ASIC2: variants seen among roughly 807,000 people sequenced by gnomAD.
ASIC2 encodes acid sensing ion channel subunit 2.
ASIC2 carries 25 observed loss-of-function variants against 57.3 expected under a neutral mutation model. That is an observed-to-expected ratio of 0.44 (90% CI 0.32 to 0.61). ASIC2 has a LOEUF of 0.61. Ranked by LOEUF, ASIC2 falls within the 20% of genes least tolerant of loss-of-function variation. The pLI, the probability that ASIC2 is intolerant of heterozygous loss-of-function variation, is 0.06. For missense variants in ASIC2, 641 were observed against 738.1 expected (o/e 0.87, Z 1.52); for synonymous variants, 319 against 307.5 (o/e 1.04, Z -0.39).
chr17:33,606,029 A>G (rs1009058512), intron 1 of ASIC2, among the ~76,000 whole-genome samples: 2 of 152,112 alleles, frequency 1.3e-5, no homozygotes, highest in Non-Finnish European at 2.9e-5. Context: ...GCTTTAATCC[A>G]TATTTTTATT....
intron 1 of ASIC2, among the ~76,000 whole-genome samples, chr17:33,422,653 A>G (rs141436911): frequency 9.0e-4 from 137 of 152,228 alleles, no homozygotes; most frequent in African/African-American, 3.3e-3. Flanking sequence ...GCTGATGCAG[A>G]TGCTGTGGTA....
At chr17:34,062,876 A>T (rs1039499275) in intron 1 of ASIC2, among the ~76,000 whole-genome samples, 1 of 152,096 alleles carries the variant, frequency 6.6e-6, no homozygotes, top group African/African-American at 2.4e-5. Flanking sequence ...AGTGGTAATT[A>T]AAAAATTAGC....
chr17:33,876,235 AG>A (rs1249719069), intron 1 of ASIC2, among the ~76,000 whole-genome samples: 1 of 152,198 alleles, frequency 6.6e-6, no homozygotes, highest in Non-Finnish European at 1.5e-5. Context: ...GAAACAGGAA[AG>A]GTTAACTCAT....
intron 1 of ASIC2, among the ~76,000 whole-genome samples, chr17:33,712,451 A>G (rs1038190031): frequency 6.6e-6 from 1 of 152,108 alleles, no homozygotes; most frequent in African/African-American, 2.4e-5. Flanking sequence ...CCAAAACTTG[A>G]TGGCTTAAAG....
At chr17:34,067,503 G>A (rs1424429914) in intron 1 of ASIC2, among the ~76,000 whole-genome samples, 1 of 152,022 alleles carries the variant, frequency 6.6e-6, no homozygotes, top group Non-Finnish European at 1.5e-5. Context: ...AACATGAATT[G>A]GAATAGCTTT....
At position 33,392,242 on chromosome 17, in the gene ASIC2, TTCTTTCTTTCTCTGTCTC is replaced by T. The variant is rs1334964385; in HGVS notation, c.556-280193_556-280176del. Among the ~76,000 whole-genome samples the T allele has an allele frequency of 1.9e-4, 28 of 145,432 alleles. 1 individual carries two copies. The highest frequency in any genetic ancestry group is 6.7e-4 in the African/African-American group (26 of 38,932). ...TCCTTCCTTCCTTCCTTCCTTCCTT[TTCTTTCTTTCTCTGTCTC>T]TCTTTCTTTCTTTTTTTTTTGACAG... On this transcript the variant is annotated intron_variant, in intron 1 of 9. Transcript: ENST00000359872.
chr17:34,016,885 T>C (rs1906999258), intron 1 of ASIC2, among the ~76,000 whole-genome samples: 1 of 152,236 alleles, frequency 6.6e-6, no homozygotes, highest in Non-Finnish European at 1.5e-5. Context: ...AAGCCTAAGA[T>C]ATTCATCAGG....
At chr17:33,543,998 A>G (rs1268122100) in intron 1 of ASIC2, among the ~76,000 whole-genome samples, 1 of 152,214 alleles carries the variant, frequency 6.6e-6, no homozygotes, top group African/African-American at 2.4e-5. Context: ...TCCCTAACCC[A>G]GGAATTCCCT....
chr17:33,705,965 G>A (rs1221320018), intron 1 of ASIC2, among the ~76,000 whole-genome samples: 1 of 152,018 alleles, frequency 6.6e-6, no homozygotes, highest in Non-Finnish European at 1.5e-5. Context: ...AAATTTTCTT[G>A]ATATTTCCTG....
rs202172641 is a variant in ASIC2 at position 33,679,833 on chromosome 17, G to GA, written c.555+476144dup. ...TTTGGGGAGCAGAAAGAAGGTCACG[G>GA]AAAAAAAACAGCGTGATTCATGGAG... On this transcript the variant is annotated intron_variant, in intron 1 of 9. Coordinates refer to the ASIC2 transcript ENST00000359872. Among the ~76,000 whole-genome samples, 232 of 151,876 alleles carry GA rather than the reference G, an allele frequency of 1.5e-3. 1 individual carries two copies. Among genetic ancestry groups the GA allele is most frequent in the African/African-American group, 5.5e-3 (226 of 41,430 alleles).
At chr17:33,538,473 TGGAGGAGAACACCAAGAAGGAC>T (rs1915308386) in intron 1 of ASIC2, among the ~76,000 whole-genome samples, 1 of 152,168 alleles carries the variant, frequency 6.6e-6, no homozygotes, top group East Asian at 1.9e-4. Context: ...ACTTACAGCA[TGGAGGAGAACACCAAGAAGGAC>T]TGAGAGGGAT....
rs1598253488 is a variant in ASIC2, at chr17:33,050,455, G to C, written c.988-22063C>G. Among the ~76,000 whole-genome samples, 3 of 152,148 alleles carry C rather than the reference G, an allele frequency of 2.0e-5. No homozygotes were observed. In the South Asian group the frequency reaches 6.2e-4, roughly 32 times the overall value. On this transcript the variant is annotated intron_variant, in intron 3 of 9. Coordinates refer to ENST00000225823, the MANE Select transcript of ASIC2 (RefSeq NM_183377.2). ...CTCAGTGTCTTTATTGCATGTATAG[G>C]GTCTGCCATATAGTCTGTGCTCAAA...
At chr17:33,395,984 G>T (rs1207335041) in intron 1 of ASIC2, among the ~76,000 whole-genome samples, 1 of 152,162 alleles carries the variant, frequency 6.6e-6, no homozygotes, top group African/African-American at 2.4e-5. Flanking sequence ...TATAACAAAG[G>T]CCAGAGAAGC....
rs73984031 is a variant in ASIC2 at position 33,590,162 on chromosome 17, C to G, written c.556-478095G>C. On this transcript the variant is annotated intron_variant, in intron 1 of 9. Coordinates refer to the ASIC2 transcript ENST00000359872. ...ATCATGGTACCCTGTGGGACATGCC[C>G]TCCTTTCCTATATCCTTCCCTACTT... Among the ~76,000 whole-genome samples, 264 of 152,282 alleles carry G rather than the reference C, an allele frequency of 1.7e-3. 2 individuals are homozygous for G. The highest frequency in any genetic ancestry group is 5.7e-3 in the African/African-American group (236 of 41,540).
chr17:34,013,227 GGA>G (rs1567787993), intron 1 of ASIC2, among the ~76,000 whole-genome samples: 1 of 152,190 alleles, frequency 6.6e-6, no homozygotes, highest in Non-Finnish European at 1.5e-5. Context: ...ATGTCAACAG[GGA>G]GCTGAGACGA....
At chr17:33,389,241 A>G (rs1251556143) in intron 1 of ASIC2, among the ~76,000 whole-genome samples, 5 of 152,112 alleles carry the variant, frequency 3.3e-5, no homozygotes, top group Non-Finnish European at 5.9e-5. Flanking sequence ...GATTACAGGC[A>G]CGAGCCACCG....
rs904422146 is a variant in ASIC2, at chr17:33,074,622, T to C, written c.987+14241A>G. On this transcript the variant is annotated intron_variant, in intron 3 of 9. Transcript: ENST00000225823. ...TAAAAGCAGAACACCTGAGGGCAAC[T>C]GCAGGCAGTATTGCTCAATGGTTAG... 7.9e-5 allele frequency among the ~76,000 whole-genome samples: 12 copies of C among 152,326 alleles called. No homozygotes were observed. In the East Asian group the frequency reaches 1.7e-3, roughly 22 times the overall value.
intron 1 of ASIC2, among the ~76,000 whole-genome samples, chr17:33,204,128 C>A (rs1906975384): frequency 6.6e-6 from 1 of 152,202 alleles, no homozygotes; most frequent in South Asian, 2.1e-4. Flanking sequence ...TCAGAGAGAC[C>A]TGCACTCAGT....
chr17:33,780,570 C>T (rs554968764), intron 1 of ASIC2, among the ~76,000 whole-genome samples: 3 of 152,358 alleles, frequency 2.0e-5, no homozygotes, highest in Non-Finnish European at 2.9e-5. Flanking sequence ...GTTTGAATCC[C>T]TATCCAGTCA....
Sources: allele counts gnomAD v4.1 joint callset (sites outside exome capture counted in the v4.1 genomes callset), GRCh38; gene constraint gnomAD v4.1.1; transcripts MANE v1.5; gene names NCBI Gene and HGNC (gene_info 2026-07-23, HGNC 2026-07-21).